STOX2: variants seen among roughly 807,000 people sequenced by gnomAD.
The protein encoded by STOX2 is storkhead-box protein 2.
In STOX2, 28 loss-of-function variants were observed where a neutral mutation model predicts 60.9. The ratio of observed to expected loss-of-function variants is 0.46; its 90% CI spans 0.34 to 0.63. The LOEUF (loss-of-function observed/expected upper bound fraction) is 0.63, where lower values mean the gene tolerates loss of function less well. Ranked by LOEUF, STOX2 falls within the 30% of genes least tolerant of loss-of-function variation. The probability of loss-of-function intolerance (pLI) is 0.01; values close to 1 mark genes in which losing one functional copy is unlikely to be tolerated. For synonymous variants in STOX2, 472 were observed against 463.9 expected, an observed-to-expected ratio of 1.02 and a Z score of -0.22; for missense variants, 1,024 against 1,187.7, an observed-to-expected ratio of 0.86 and a Z score of 2.03.
At chr4:183,971,038 G>A (rs1446440244) in intron 1 of STOX2, among the ~76,000 whole-genome samples, 1 of 152,160 alleles carries the variant, frequency 6.6e-6, no homozygotes, top group South Asian at 2.1e-4. Flanking sequence ...TTGGGGTCAG[G>A]TTATTTGTAC....
rs763029594 is a variant in STOX2 at position 184,011,084 on chromosome 4, C to T, written c.2246C>T (p.Ser749Leu). The T allele has an allele frequency of 1.6e-5, 26 of 1,597,222 alleles. No homozygotes were observed. Among genetic ancestry groups the T allele is most frequent in the South Asian group, 8.0e-5 (7 of 87,934 alleles). Residue 749 changes from serine to leucine, a missense_variant, in exon 3 of 4, where the codon TCG becomes TTG. Transcript: ENST00000308497. The surrounding 1 kb of genome is among the most constrained non-coding windows in gnomAD (Gnocchi z 4.4). ...CEKLEPSLGT[S>L]AAQAMPASQR... ...AAACTGGAACCGTCCCTGGGGACCT[C>T]GGCGGCACAAGCCATGCCTGCTTCC...
In STOX2 at chr4:184,018,601, C is replaced by T. The variant is rs1734466684; in HGVS notation, c.*1317C>T. The stretch of plus-strand genomic sequence containing the variant: ...AGTAATGTTTACAGATACTTTGTAA[C>T]CAATTTCAGGAGGCGTTTTTAGCTG... On this transcript the variant is annotated 3_prime_UTR_variant, in exon 4 of 4. Transcript: ENST00000308497. 1.3e-5 allele frequency: 2 copies of T among 152,104 alleles called. No individual in the cohort carries two copies. Among genetic ancestry groups the T allele is most frequent in the African/African-American group, 2.4e-5 (1 of 41,428 alleles). The allele number at this position is 152,104 out of a possible 1,614,324, so 9.4% of individuals were successfully genotyped here. A position where few individuals can be genotyped will look rare whatever the true frequency, so the allele number is the denominator to read the frequency against.
chr4:183,831,504 T>G (rs1739567633), intron 1 of STOX2, among the ~76,000 whole-genome samples: 1 of 125,668 alleles, frequency 8.0e-6, no homozygotes, highest in Non-Finnish European at 1.5e-5. Context: ...CTATGTACAT[T>G]TTTTTTTTTT....
Position 184,009,344 on chromosome 4 carries a change from A to T in STOX2, c.506A>T (p.Gln169Leu). ...HLDERIPDRS[Q>L]CTSPQPGTIT... ...GACGAGAGGATACCTGACCGGTCTC[A>T]GTGCACCTCTCCGCAACCCGGGACC... Residue 169 changes from glutamine to leucine, a missense_variant, in exon 3 of 4, where the codon CAG (glutamine) becomes CTG (leucine). By Grantham distance (113) the Gln-to-Leu change is moderately radical. Coordinates refer to ENST00000308497, the MANE Select transcript of STOX2 (RefSeq NM_020225.3). This position sits in a 1 kb window ranked among gnomAD's most constrained non-coding sequence, Gnocchi z 4.0. The T allele has an allele frequency of 6.2e-7, 1 of 1,613,994 alleles. No homozygotes were observed. The highest frequency in any genetic ancestry group is 1.1e-5 in the South Asian group (1 of 91,084).
intron 1 of STOX2, among the ~76,000 whole-genome samples, chr4:183,963,124 C>G (rs1264231625): frequency 6.6e-6 from 1 of 152,166 alleles, no homozygotes; most frequent in Non-Finnish European, 1.5e-5. Context: ...TCACCAGTCA[C>G]AAAAGTCAGT....
intron 1 of STOX2, among the ~76,000 whole-genome samples, chr4:183,808,709 G>A (rs1738966631): frequency 6.6e-6 from 1 of 152,130 alleles, no homozygotes; most frequent in Non-Finnish European, 1.5e-5. Flanking sequence ...ATTTTTACCT[G>A]TATCTTTAGC....
chr4:184,013,645 C>G (rs1316547618), intron 3 of STOX2, among the ~76,000 whole-genome samples: 7 of 152,210 alleles, frequency 4.6e-5, no homozygotes, highest in Non-Finnish European at 7.3e-5. Flanking sequence ...AATAAAGTCA[C>G]TGAGTTGTCT....
chr4:183,813,932 C>A (rs1202207104), intron 1 of STOX2, among the ~76,000 whole-genome samples: 1 of 152,172 alleles, frequency 6.6e-6, no homozygotes, highest in African/African-American at 2.4e-5. Flanking sequence ...AGAAAGCCAT[C>A]TAAATGTTCA....
intron 1 of STOX2, among the ~76,000 whole-genome samples, chr4:183,891,047 C>G (rs1196219412): frequency 6.6e-6 from 1 of 151,986 alleles, no homozygotes; most frequent in Non-Finnish European, 1.5e-5. Context: ...GTAGTCAAGG[C>G]TGCAGTGAGC....
rs1311053705 is a variant in STOX2 at position 184,017,078 on chromosome 4, TGC to T, written c.2586-10_2586-9del. 1.3e-6 allele frequency: 2 copies of T among 1,583,482 alleles called. No homozygotes were observed. Among genetic ancestry groups the T allele is most frequent in the Admixed American group, 1.9e-5 (1 of 53,294 alleles). On this transcript the variant is annotated splice_polypyrimidine_tract_variant and intron_variant, in intron 3 of 3. Coordinates refer to ENST00000308497, the MANE Select transcript of STOX2 (RefSeq NM_020225.3). Reference sequence around the variant, plus strand: ...CAAACAAAACAAAACAAACCCTTTTTGCTCTTTTAGTACTCGGGAGAGCCTGG... The same window carrying T: ...CAAACAAAACAAAACAAACCCTTTTTTCTTTTAGTACTCGGGAGAGCCTGG...
chr4:183,949,744 C>T (rs2111142736), intron 1 of STOX2, among the ~76,000 whole-genome samples: 1 of 152,240 alleles, frequency 6.6e-6, no homozygotes, highest in South Asian at 2.1e-4. Context: ...AATACCAATA[C>T]ACTTTAGATT....
chr4:184,004,248 C>T (rs1264280947), intron 2 of STOX2, among the ~76,000 whole-genome samples: 1 of 152,126 alleles, frequency 6.6e-6, no homozygotes, highest in African/African-American at 2.4e-5. Flanking sequence ...AATTTGGCTT[C>T]TTTTCTTGTT....
At chr4:183,923,912 A>T (rs1423950038) in intron 1 of STOX2, among the ~76,000 whole-genome samples, 1 of 152,094 alleles carries the variant, frequency 6.6e-6, no homozygotes, top group Non-Finnish European at 1.5e-5. Context: ...CACTCTGTAG[A>T]CTGTGGTTCC....
chr4:183,940,288 C>T (rs555736061), intron 1 of STOX2, among the ~76,000 whole-genome samples: 1 of 152,210 alleles, frequency 6.6e-6, no homozygotes, highest in African/African-American at 2.4e-5. Flanking sequence ...AATTTTTCCA[C>T]AAAACTGCTA....
At chr4:183,959,351 G>C (rs1327873291) in intron 1 of STOX2, among the ~76,000 whole-genome samples, 1 of 152,080 alleles carries the variant, frequency 6.6e-6, no homozygotes, top group South Asian at 2.1e-4. Context: ...TTTCAAAAAG[G>C]TGATATTCGT....
intron 1 of STOX2, among the ~76,000 whole-genome samples, chr4:183,889,979 A>G (rs942102607): frequency 2.2e-4 from 33 of 152,346 alleles, no homozygotes; most frequent in African/African-American, 7.2e-4. Context: ...ACAATATGGC[A>G]GACTATACAG....
At chr4:183,947,236 A>G (rs1579451877) in intron 1 of STOX2, among the ~76,000 whole-genome samples, 1 of 152,188 alleles carries the variant, frequency 6.6e-6, no homozygotes, top group African/African-American at 2.4e-5. Context: ...GTGAGTAGTC[A>G]TTATACTGTA....
chr4:183,873,799 A>G (rs1311528787), intron 1 of STOX2, among the ~76,000 whole-genome samples: 1 of 152,236 alleles, frequency 6.6e-6, no homozygotes, highest in Non-Finnish European at 1.5e-5. Flanking sequence ...GAAGCTCCAC[A>G]GTAAGGCAGG....
chr4:183,931,609 C>G (rs1174077257), intron 1 of STOX2, among the ~76,000 whole-genome samples: 1 of 152,150 alleles, frequency 6.6e-6, no homozygotes, highest in Admixed American at 6.5e-5. Context: ...AAGAAAGGGA[C>G]TGAAAGGAGT....
Sources: gnomAD v4.1 joint callset for allele counts (sites outside exome capture counted in the v4.1 genomes callset) on GRCh38, gnomAD v4.1.1 for gene constraint, Gnocchi (gnomAD v3.1) non-coding constraint, MANE v1.5 for transcripts, NCBI Gene and HGNC (gene_info 2026-07-23, HGNC 2026-07-21) for gene names.